The following ABTB3 variants were observed in gnomAD, a reference collection of about 807,000 sequenced individuals.
ABTB3 encodes ankyrin repeat- and BTB/POZ domain-containing protein 3.
chr12:107,319,919 G>A, the ABTB3 span: 725,076 of 1,462,004 alleles, frequency 0.5, 183,043 homozygotes, highest in Admixed American at 0.55. Context: ...AGTCCCGCCG[G>A]CAGCCGCCGC....
At chr12:107,321,365 A>G in the ABTB3 span, among the ~76,000 whole-genome samples, 1 of 152,148 alleles carries the variant, frequency 6.6e-6, no homozygotes, top group African/African-American at 2.4e-5. Flanking sequence ...GCGGGCGCGC[A>G]GGGCGCCCGG....
the ABTB3 span, among the ~76,000 whole-genome samples, chr12:107,387,645 A>G: frequency 6.6e-5 from 10 of 152,216 alleles, no homozygotes; most frequent in Admixed American, 6.5e-4. Context: ...TTTGTTGAAC[A>G]GTATCTTAAA....
the ABTB3 span, among the ~76,000 whole-genome samples, chr12:107,496,070 C>T: frequency 1.2e-4 from 18 of 152,228 alleles, no homozygotes; most frequent in South Asian, 2.1e-4. Context: ...TCATTTGTGC[C>T]GTACTAATAC....
chr12:107,433,318 A>T, the ABTB3 span, among the ~76,000 whole-genome samples: 2 of 151,006 alleles, frequency 1.3e-5, no homozygotes, highest in Non-Finnish European at 3.0e-5. Context: ...AAAAAAAAAA[A>T]AAAAAAGACA....
the ABTB3 span, among the ~76,000 whole-genome samples, chr12:107,478,902 G>A: frequency 1.6e-3 from 247 of 152,134 alleles, 3 homozygotes; most frequent in East Asian, 0.022. Flanking sequence ...ACTGAATCAG[G>A]AGCAACCTTT....
At chr12:107,630,549 TCCTCCCACCTCAA>T in the ABTB3 span, among the ~76,000 whole-genome samples, 1 of 151,806 alleles carries the variant, frequency 6.6e-6, no homozygotes, top group Non-Finnish European at 1.5e-5. Context: ...GCTCAAGCCA[TCCTCCCACCTCAA>T]CCTCCCGAGT....
chr12:107,630,636 C>T, the ABTB3 span, among the ~76,000 whole-genome samples: 3 of 151,696 alleles, frequency 2.0e-5, no homozygotes, highest in Non-Finnish European at 2.9e-5. Flanking sequence ...AAGACAGGGT[C>T]TCATGATGTT....
At chr12:107,422,475 A>G in the ABTB3 span, among the ~76,000 whole-genome samples, 19 of 152,348 alleles carry the variant, frequency 1.2e-4, no homozygotes, top group Admixed American at 4.6e-4. Context: ...CTTTAAAGGA[A>G]TAATTCTGCC....
the ABTB3 span, among the ~76,000 whole-genome samples, chr12:107,385,937 G>A: frequency 3.8e-4 from 58 of 152,346 alleles, 1 homozygote; most frequent in South Asian, 0.012. Flanking sequence ...CTGGAACTTT[G>A]AGGATTGTGT....
the ABTB3 span, among the ~76,000 whole-genome samples, chr12:107,607,668 G>C: frequency 4.6e-5 from 7 of 152,186 alleles, no homozygotes; most frequent in African/African-American, 1.7e-4. Context: ...TCCAGTCCTT[G>C]GAGTCCGTCT....
chr12:107,497,928 C>G, the ABTB3 span, among the ~76,000 whole-genome samples: 1 of 152,016 alleles, frequency 6.6e-6, no homozygotes, highest in African/African-American at 2.4e-5. Flanking sequence ...TGTGTAAGCC[C>G]CTCTCCTTTT....
At chr12:107,442,864 T>G in the ABTB3 span, among the ~76,000 whole-genome samples, 1 of 152,218 alleles carries the variant, frequency 6.6e-6, no homozygotes, top group African/African-American at 2.4e-5. Context: ...TAGCATAAAC[T>G]GGGTGGCTTA....
chr12:107,482,935 T>G, the ABTB3 span, among the ~76,000 whole-genome samples: 1 of 15,144 alleles, frequency 6.6e-5, no homozygotes, highest in Non-Finnish European at 1.4e-4. Flanking sequence ...TTTCTTTCTT[T>G]CTTTCTTTCT....
the ABTB3 span, among the ~76,000 whole-genome samples, chr12:107,343,515 GT>G: frequency 1.3e-5 from 2 of 152,324 alleles, no homozygotes; most frequent in Admixed American, 1.3e-4. Context: ...GCCACAATGT[GT>G]TTGACTGCTA....
the ABTB3 span, among the ~76,000 whole-genome samples, chr12:107,469,972 CTTTCTTTCTTTCTTTCTTTCTTTCTT>C: frequency 2.6e-5 from 2 of 77,014 alleles, no homozygotes; most frequent in African/African-American, 1.7e-4. Context: ...TTCTTTCTTT[CTTTCTTTCTTTCTTTCTTTCTTTCTT>C]TCTTTCTTTC....
the ABTB3 span, among the ~76,000 whole-genome samples, chr12:107,474,241 C>T: frequency 2.6e-5 from 4 of 152,132 alleles, no homozygotes; most frequent in Non-Finnish European, 2.9e-5. Flanking sequence ...GGAGAGGAGC[C>T]ACTGGCCCGT....
the ABTB3 span, among the ~76,000 whole-genome samples, chr12:107,465,856 T>C: frequency 6.6e-6 from 1 of 152,162 alleles, no homozygotes; most frequent in Non-Finnish European, 1.5e-5. Flanking sequence ...GTTACGTCTT[T>C]CATGCTCTTG....
the ABTB3 span, among the ~76,000 whole-genome samples, chr12:107,502,226 G>T: frequency 6.6e-6 from 1 of 151,904 alleles, no homozygotes. Context: ...CGCCTTGCCT[G>T]GCTAATTTTT....
chr12:107,640,571 A>G, the ABTB3 span, among the ~76,000 whole-genome samples: 6 of 152,230 alleles, frequency 3.9e-5, no homozygotes, highest in South Asian at 2.1e-4. Context: ...AGCATAAACA[A>G]CCTAGAACAA....
Sources: gnomAD v4.1 joint callset for allele counts (sites outside exome capture counted in the v4.1 genomes callset) on GRCh38, gnomAD v4.1.1 for gene constraint, MANE v1.5 for transcripts, NCBI Gene and HGNC (gene_info 2026-07-23, HGNC 2026-07-21) for gene names.